The following MYO16 variants were observed in gnomAD, a reference collection of about 807,000 sequenced individuals.
MYO16 encodes the protein unconventional myosin-XVI.
In MYO16, 94 loss-of-function variants were observed where a neutral mutation model predicts 205.3. That is an observed-to-expected ratio of 0.46 (90% confidence interval 0.39 to 0.54). MYO16 has a LOEUF of 0.54. MYO16 is among the 20% of genes least tolerant of loss of function. MYO16 has a pLI of 0.00. For missense variants in MYO16, 2,315 were observed against 2,387.5 expected (o/e 0.97, Z 0.63); for synonymous variants, 988 against 954.0 (o/e 1.04, Z -0.66).
intron 2 of MYO16, among the ~76,000 whole-genome samples, chr13:108,681,535 C>T (rs572152961): frequency 1.3e-5 from 2 of 152,148 alleles, no homozygotes; most frequent in African/African-American, 2.4e-5. Flanking sequence ...GTTCTTGATT[C>T]GTGGAGCTTA....
At chr13:108,702,482 A>G (rs991338191) in intron 2 of MYO16, among the ~76,000 whole-genome samples, 1 of 152,210 alleles carries the variant, frequency 6.6e-6, no homozygotes, top group African/African-American at 2.4e-5. Context: ...ATATTAGGAC[A>G]TTCATTGCAA....
Position 109,055,918 on chromosome 13 carries a change from T to G in MYO16, c.3335+323T>G, listed in dbSNP as rs1489068884. ...TACTATTTATTATTTAAAAGGAGAA[T>G]GTATGTAAGTGATTATTTCCCCTTT... On this transcript the variant is annotated intron_variant, in intron 27 of 34. Transcript: ENST00000457511. This position sits in a 1 kb window ranked among gnomAD's most constrained non-coding sequence, Gnocchi z 5.0. 5.3e-6 allele frequency: 1 copy of G among 189,378 alleles called. No individual in the cohort carries two copies. Among genetic ancestry groups the G allele is most frequent in the African/African-American group, 2.3e-5 (1 of 42,692 alleles). 11.7% of individuals were successfully genotyped at this position (189,378 alleles called of 1,614,324 possible).
rs150140727 is a variant in MYO16 at position 108,948,872 on chromosome 13, A to T, written c.1926-8816A>T. On this transcript the variant is annotated intron_variant, in intron 16 of 34. Coordinates refer to ENST00000457511, the MANE Select transcript of MYO16 (RefSeq NM_001198950.3). ...TGCCTCAAAGCAAAAGTATTAGCAC[A>T]CACACCCACACTCACACCTCACACC... 4.6e-3 allele frequency among the ~76,000 whole-genome samples: 705 copies of T among 152,318 alleles called. 4 individuals carry two copies. Among genetic ancestry groups the T allele is most frequent in the African/African-American group, 0.016 (674 of 41,568 alleles).
chr13:109,141,356 G>T lies in MYO16; in HGVS notation c.5144G>T (p.Arg1715Ile). The change falls in exon 32 of 35, where the codon AGA becomes ATA. Residue 1715 changes from arginine (R) to isoleucine (I), a missense_variant. Coordinates refer to ENST00000457511, the MANE Select transcript of MYO16 (RefSeq NM_001198950.3). This position sits in a 1 kb window ranked among gnomAD's most constrained non-coding sequence, Gnocchi z 4.1. ...RSVLRKSAAG[R>I]KIREAEGFET... ...GTGCTTCGGAAATCCGCGGCGGGAA[G>T]AAAAATCAGGGAAGCAGAAGGTAAG... 6.5e-7 allele frequency: 1 copy of T among 1,543,486 alleles called. No individual in the cohort carries two copies. The highest frequency in any genetic ancestry group is 8.7e-7 in the Non-Finnish European group (1 of 1,148,618).
intron 16 of MYO16, among the ~76,000 whole-genome samples, chr13:108,913,539 T>C (rs952297068): frequency 1.8e-4 from 28 of 152,358 alleles, no homozygotes; most frequent in African/African-American, 6.7e-4. Context: ...GGAAACTGTT[T>C]GGCTTGTTCA....
the MYO16 span, among the ~76,000 whole-genome samples, chr13:108,531,626 T>TC: frequency 0.19 from 103 of 546 alleles, no homozygotes; most frequent in African/African-American, 0.42. Flanking sequence ...TGCTTTCTAA[T>TC]TTTTTTTTTT....
the MYO16 span, among the ~76,000 whole-genome samples, chr13:108,564,131 C>T: frequency 6.7e-6 from 1 of 149,328 alleles, no homozygotes; most frequent in South Asian, 2.1e-4. Context: ...TTTCATTTGT[C>T]TGTCTTCTTT....
Position 108,866,330 on chromosome 13 carries a change from GGC to G in MYO16, c.1425+89_1425+90del, listed in dbSNP as rs1878715791. 3.9e-6 allele frequency: 3 copies of G among 775,982 alleles called. No homozygotes were observed. In the African/African-American group the frequency reaches 5.4e-5, roughly 14 times the overall value. The allele number at this position is 775,982 out of a possible 1,614,324, so 48.1% of individuals were successfully genotyped here. On this transcript the variant is annotated intron_variant, in intron 12 of 34. Transcript: ENST00000457511. The stretch of plus-strand genomic sequence containing the variant: ...TTGTATCAAATGACTAAAAAAAACA[GGC>G]AAACTTCTAAAAAACATTTTTAAAT...
chr13:108,813,707 T>A (rs1887364581), intron 7 of MYO16, among the ~76,000 whole-genome samples: 1 of 152,126 alleles, frequency 6.6e-6, no homozygotes, highest in Admixed American at 6.6e-5. Flanking sequence ...ATACACACTC[T>A]CTCTCTTTCT....
At chr13:108,695,755 A>G (rs1319691891) in intron 2 of MYO16, among the ~76,000 whole-genome samples, 1 of 152,198 alleles carries the variant, frequency 6.6e-6, no homozygotes, top group East Asian at 1.9e-4. Context: ...AATAAAACAC[A>G]TCAAAAATTC....
intron 1 of MYO16, among the ~76,000 whole-genome samples, chr13:108,635,247 C>T (rs1246490091): frequency 6.6e-6 from 1 of 152,144 alleles, no homozygotes; most frequent in Non-Finnish European, 1.5e-5. Context: ...TGCACCTCAG[C>T]CAACCCGGAA....
At chr13:108,988,741 A>G (rs1185522473) in intron 20 of MYO16, among the ~76,000 whole-genome samples, 1 of 152,184 alleles carries the variant, frequency 6.6e-6, no homozygotes, top group Non-Finnish European at 1.5e-5. Context: ...TATCAAAACA[A>G]TATGCCATGA....
chr13:108,510,209 C>T, the MYO16 span, among the ~76,000 whole-genome samples: 40 of 152,116 alleles, frequency 2.6e-4, no homozygotes, highest in African/African-American at 8.7e-4. Context: ...CTCTGCCTCC[C>T]GGGTTCACGC....
At chr13:108,878,900 C>T (rs1425082003) in intron 12 of MYO16, among the ~76,000 whole-genome samples, 4 of 152,234 alleles carry the variant, frequency 2.6e-5, no homozygotes, top group African/African-American at 9.6e-5. Flanking sequence ...TTCATCTTCA[C>T]CAACATGTAG....
At chr13:109,062,676 A>G (rs1177660315) in intron 27 of MYO16, among the ~76,000 whole-genome samples, 2 of 152,146 alleles carry the variant, frequency 1.3e-5, no homozygotes, top group African/African-American at 4.8e-5. Flanking sequence ...TTCTGTAGAA[A>G]CTGAAGAATT....
At chr13:108,799,561 C>T (rs1373401964) in intron 6 of MYO16, among the ~76,000 whole-genome samples, 2 of 152,112 alleles carry the variant, frequency 1.3e-5, no homozygotes, top group African/African-American at 4.8e-5. Context: ...GACATCACGG[C>T]TTTGCTTTTT....
At chr13:109,109,177 A>G (rs887072784) in intron 28 of MYO16, among the ~76,000 whole-genome samples, 1 of 152,082 alleles carries the variant, frequency 6.6e-6, no homozygotes, top group African/African-American at 2.4e-5. Flanking sequence ...CATATCTTCT[A>G]TGTCAATATA....
intron 1 of MYO16, among the ~76,000 whole-genome samples, chr13:108,609,014 C>A (rs554892658): frequency 1.3e-5 from 2 of 152,210 alleles, no homozygotes; most frequent in Non-Finnish European, 2.9e-5. Context: ...TTTTGAAGGA[C>A]ATTGAAAGGT....
chr13:108,982,954 G>C (rs1385829380), intron 20 of MYO16, among the ~76,000 whole-genome samples: 1 of 151,982 alleles, frequency 6.6e-6, no homozygotes. Flanking sequence ...GATTGGGATG[G>C]CTAAAATTGG....
Sources: gnomAD v4.1 joint callset for allele counts (sites outside exome capture counted in the v4.1 genomes callset) on GRCh38, gnomAD v4.1.1 for gene constraint, Gnocchi (gnomAD v3.1) non-coding constraint, MANE v1.5 for transcripts, NCBI Gene and HGNC (gene_info 2026-07-23, HGNC 2026-07-21) for gene names.